The following ZBTB16 variants were observed in gnomAD, a reference collection of about 807,000 sequenced individuals.
ZBTB16 encodes zinc finger and BTB domain-containing protein 16.
In ZBTB16, 8 loss-of-function variants were observed where a neutral mutation model predicts 56.8. The observed-to-expected ratio is 0.14, with a 90% CI of 0.08 to 0.25. The LOEUF (loss-of-function observed/expected upper bound fraction) is 0.25, where lower values mean the gene tolerates loss of function less well. Ranked by LOEUF, ZBTB16 falls within the 10% of genes least tolerant of loss-of-function variation. The pLI is 1.00. For missense variants in ZBTB16, 625 were observed against 903.0 expected (o/e 0.69, Z 3.95); for synonymous variants, 363 against 368.5 (o/e 0.98, Z 0.17).
At position 114,183,297 on chromosome 11, in the gene ZBTB16, T is replaced by C. The variant is rs1187952167; in HGVS notation, c.1367-3655T>C. ...GAGGTGGGGGTGGAGTGGCGGGACT[T>C]TGAAGGCAAGCAGATGTGGTCAGGC... On this transcript the variant is annotated intron_variant, in intron 3 of 6. Coordinates refer to ENST00000335953, the MANE Select transcript of ZBTB16 (RefSeq NM_006006.6). 3.9e-5 allele frequency among the ~76,000 whole-genome samples: 6 copies of C among 152,120 alleles called. No homozygotes were observed. In the East Asian group the frequency reaches 1.2e-3, roughly 29 times the overall value.
At chr11:114,149,189 G>A (rs1373581798) in intron 2 of ZBTB16, among the ~76,000 whole-genome samples, 5 of 152,152 alleles carry the variant, frequency 3.3e-5, no homozygotes, top group Non-Finnish European at 7.3e-5. Context: ...TTGCAGAGGT[G>A]TCAAGTGAAA....
intron 3 of ZBTB16, chr11:114,180,819 C>T (rs1943230396): frequency 6.6e-6 from 1 of 152,372 alleles, no homozygotes; most frequent in Admixed American, 6.5e-5. Context: ...ATGGTAAAGC[C>T]CAAGACAGGT....
At chr11:114,111,525 T>C (rs982428684) in intron 2 of ZBTB16, among the ~76,000 whole-genome samples, 2 of 152,192 alleles carry the variant, frequency 1.3e-5, no homozygotes, top group Non-Finnish European at 2.9e-5. Context: ...GAAATGACGC[T>C]AAATAATGTT....
Position 114,148,418 on chromosome 11 carries a change from TCC to T in ZBTB16, c.1269-7917_1269-7916del, listed in dbSNP as rs1565651782. Among the ~76,000 whole-genome samples the T allele has an allele frequency of 1.4e-3, 26 of 18,632 alleles. 2 individuals carry two copies. Among genetic ancestry groups the T allele is most frequent in the African/African-American group, 2.0e-3 (14 of 7,018 alleles). 12.2% of individuals were successfully genotyped at this position (18,632 alleles called of 152,430 possible). A position where few individuals can be genotyped will look rare whatever the true frequency, so the allele number is the denominator to read the frequency against. On this transcript the variant is annotated intron_variant, in intron 2 of 6. Coordinates refer to ENST00000335953, the MANE Select transcript of ZBTB16 (RefSeq NM_006006.6). ...TTCCCTCCCTCCCTCCCTCCCTCCCTCCCTCCCTCTCTCTCTCTTTCTCTCTC... is the reference window on the plus strand; with the variant it reads ...TTCCCTCCCTCCCTCCCTCCCTCCCTCTCCCTCTCTCTCTCTTTCTCTCTC...
chr11:114,234,142 A>G (rs765202471), intron 4 of ZBTB16, among the ~76,000 whole-genome samples: 5 of 152,216 alleles, frequency 3.3e-5, no homozygotes, highest in Non-Finnish European at 7.3e-5. Flanking sequence ...AATGTCATAC[A>G]GATGTATAGA....
At chr11:114,242,557 A>C (rs541666429) in intron 5 of ZBTB16, among the ~76,000 whole-genome samples, 2 of 152,216 alleles carry the variant, frequency 1.3e-5, no homozygotes, top group African/African-American at 4.8e-5. Flanking sequence ...TGTTCAACAC[A>C]GGATGCTCAT....
At chr11:114,209,998 TG>T in intron 4 of ZBTB16, 1 of 980,684 alleles carries the variant, frequency 1.0e-6, no homozygotes. Flanking sequence ...ACAAGTTGCT[TG>T]TCCTTTCAGA....
intron 2 of ZBTB16, among the ~76,000 whole-genome samples, chr11:114,107,712 A>T (rs1186407220): frequency 6.6e-6 from 1 of 152,198 alleles, no homozygotes; most frequent in East Asian, 1.9e-4. Flanking sequence ...GGAGATGCAT[A>T]ATATGTGTCT....
chr11:114,167,424 T>A (rs1233338915), intron 3 of ZBTB16, among the ~76,000 whole-genome samples: 1 of 108 alleles, frequency 9.3e-3, no homozygotes, highest in Non-Finnish European at 0.029. Context: ...TACCCCTTGC[T>A]TTTTTTTTTT....
At chr11:114,097,641 C>T (rs376709162) in intron 2 of ZBTB16, among the ~76,000 whole-genome samples, 1 of 152,160 alleles carries the variant, frequency 6.6e-6, no homozygotes, top group African/African-American at 2.4e-5. Context: ...TCTAGCGTTG[C>T]CCTTTAACTA....
At chr11:114,165,301 G>C (rs1942717342) in intron 3 of ZBTB16, among the ~76,000 whole-genome samples, 1 of 152,202 alleles carries the variant, frequency 6.6e-6, no homozygotes, top group Admixed American at 6.5e-5. Flanking sequence ...CTTGGCCCCT[G>C]CTTTTCCCAG....
intron 3 of ZBTB16, among the ~76,000 whole-genome samples, chr11:114,164,190 A>G (rs1195821402): frequency 6.6e-6 from 1 of 152,192 alleles, no homozygotes; most frequent in Non-Finnish European, 1.5e-5. Context: ...TTCCCCCCTC[A>G]GAGAGGAGCC....
At chr11:114,210,204 CGT>C (rs1555156030) in intron 4 of ZBTB16, among the ~76,000 whole-genome samples, 1 of 142,216 alleles carries the variant, frequency 7.0e-6, no homozygotes, top group Non-Finnish European at 1.6e-5. Context: ...CGTGCGCGCG[CGT>C]GCACAGTTTG....
chr11:114,089,248 T>G (rs1204745012), intron 2 of ZBTB16, among the ~76,000 whole-genome samples: 2 of 152,040 alleles, frequency 1.3e-5, no homozygotes, highest in Non-Finnish European at 2.9e-5. Flanking sequence ...AGGTGTCTGA[T>G]CTTTGGCAGG....
At chr11:114,231,269 G>C (rs1488596008) in intron 4 of ZBTB16, among the ~76,000 whole-genome samples, 2 of 152,138 alleles carry the variant, frequency 1.3e-5, no homozygotes, top group Non-Finnish European at 2.9e-5. Flanking sequence ...TGGACACTGT[G>C]CTCTTGTAAT....
chr11:114,061,089 A>C (rs973033233), intron 1 of ZBTB16, among the ~76,000 whole-genome samples: 5 of 149,810 alleles, frequency 3.3e-5, no homozygotes, highest in Admixed American at 1.3e-4. Context: ...CCTCGGGAAA[A>C]GTTGCTTCCC....
At chr11:114,137,366 A>G (rs958900388) in intron 2 of ZBTB16, among the ~76,000 whole-genome samples, 2 of 152,198 alleles carry the variant, frequency 1.3e-5, no homozygotes, top group Admixed American at 1.3e-4. Flanking sequence ...AGAGCTCTCC[A>G]AAATGGAAGT....
rs1198616626 is a variant in ZBTB16, at chr11:114,255,401, A to G, written c.*4846A>G. On this transcript the variant is annotated 3_prime_UTR_variant, in exon 7 of 7. Coordinates refer to ENST00000335953, the MANE Select transcript of ZBTB16 (RefSeq NM_006006.6). ...TCAATTTTACTGGTTACTTTTTTGT[A>G]CAAATCAATCTCTTTCTCTCTTTCT... Among the ~76,000 whole-genome samples, 2 of 140,908 alleles carry G rather than the reference A, an allele frequency of 1.4e-5. No individual in the cohort carries two copies. Among genetic ancestry groups the G allele is most frequent in the Non-Finnish European group, 3.1e-5 (2 of 63,584 alleles). The allele number at this position is 140,908 out of a possible 152,430, so 92.4% of individuals were successfully genotyped here. A position where few individuals can be genotyped will look rare whatever the true frequency, so the allele number is the denominator to read the frequency against.
At chr11:114,104,175 G>C (rs1438004972) in intron 2 of ZBTB16, among the ~76,000 whole-genome samples, 1 of 152,152 alleles carries the variant, frequency 6.6e-6, no homozygotes, top group Non-Finnish European at 1.5e-5. Context: ...TTTTATCCCA[G>C]GGTGAACGTG....
Sources: allele counts gnomAD v4.1 joint callset (sites outside exome capture counted in the v4.1 genomes callset), GRCh38; gene constraint gnomAD v4.1.1; transcripts MANE v1.5; gene names NCBI Gene and HGNC (gene_info 2026-07-23, HGNC 2026-07-21).